ARL15: variants seen among roughly 807,000 people sequenced by gnomAD.
ARL15 encodes the protein ARF like GTPase 15.
Under a neutral mutation model 25.2 loss-of-function variants are expected in ARL15, and 19 were observed. The ratio of observed to expected loss-of-function variants is 0.75; its 90% CI spans 0.53 to 1.10. The LOEUF (loss-of-function observed/expected upper bound fraction) is 1.10, where lower values mean the gene tolerates loss of function less well. ARL15 is among the 50% of genes least tolerant of loss of function. The pLI, the probability that ARL15 is intolerant of heterozygous loss-of-function variation, is 0.00. For missense variants in ARL15, 220 were observed against 246.0 expected (o/e 0.89, Z 0.71); for synonymous variants, 94 against 86.8 (o/e 1.08, Z -0.46).
At chr5:54,144,423 G>A (rs997323435) in intron 3 of ARL15, among the ~76,000 whole-genome samples, 1 of 151,980 alleles carries the variant, frequency 6.6e-6, no homozygotes, top group Non-Finnish European at 1.5e-5. Flanking sequence ...ATTTATATGT[G>A]AGTTGTATTA....
In ARL15 at chr5:54,104,570, T is replaced by C. The variant is rs115828336; in HGVS notation, c.462+8632A>G. 6.5e-3 allele frequency among the ~76,000 whole-genome samples: 988 copies of C among 152,278 alleles called. 6 individuals are homozygous for C. The highest frequency in any genetic ancestry group is 0.023 in the African/African-American group (953 of 41,574). On this transcript the variant is annotated intron_variant, in intron 4 of 4. Coordinates refer to ENST00000504924, the MANE Select transcript of ARL15 (RefSeq NM_019087.3). ...ATATAATTAGTTATAGTTATTTTTA[T>C]AACTTCCCAAAGATATGATTTCTCA...
intron 4 of ARL15, among the ~76,000 whole-genome samples, chr5:54,080,528 C>T (rs181373136): frequency 2.9e-4 from 44 of 152,168 alleles, no homozygotes; most frequent in African/African-American, 1.0e-3. Context: ...AAAACCCCAT[C>T]GTCCCCAAGA....
chr5:53,915,866 C>T (rs1442413361), intron 4 of ARL15, among the ~76,000 whole-genome samples: 1 of 152,146 alleles, frequency 6.6e-6, no homozygotes, highest in Non-Finnish European at 1.5e-5. Context: ...TTTGATTTGT[C>T]AGGTGACTTT....
intron 3 of ARL15, among the ~76,000 whole-genome samples, chr5:54,120,925 C>T (rs998609665): frequency 1.3e-5 from 2 of 152,168 alleles, no homozygotes; most frequent in South Asian, 2.1e-4. Flanking sequence ...GCCAATTTCC[C>T]CAACCAGTAT....
At chr5:54,207,625 T>A (rs1340597713) in intron 1 of ARL15, among the ~76,000 whole-genome samples, 1 of 152,144 alleles carries the variant, frequency 6.6e-6, no homozygotes, top group African/African-American at 2.4e-5. Flanking sequence ...AATAACTACA[T>A]TTTGGAAACT....
At chr5:54,094,862 A>G (rs1752237211) in intron 4 of ARL15, among the ~76,000 whole-genome samples, 1 of 152,232 alleles carries the variant, frequency 6.6e-6, no homozygotes, top group African/African-American at 2.4e-5. Flanking sequence ...ACCTATATAT[A>G]CATCAATAAT....
chr5:54,223,361 T>G (rs1756432769), intron 1 of ARL15, among the ~76,000 whole-genome samples: 2 of 152,228 alleles, frequency 1.3e-5, no homozygotes, highest in Non-Finnish European at 1.5e-5. Context: ...AAATTCTTTA[T>G]TAAAGAATAT....
chr5:54,268,361 C>T (rs1347436479), intron 1 of ARL15, among the ~76,000 whole-genome samples: 1 of 152,178 alleles, frequency 6.6e-6, no homozygotes, highest in Non-Finnish European at 1.5e-5. Flanking sequence ...TCTAATTATA[C>T]ATTCGTCTAA....
rs192512230 is a variant in ARL15, at chr5:54,143,821, A to C, written c.253+10759T>G. On this transcript the variant is annotated intron_variant, in intron 3 of 4. Transcript: ENST00000504924. Reference sequence around the variant, plus strand: ...ACTCCGTTCCCTAAGATAATTTATTATATGAGCTGAATAGGTAAACTTTCA... The same window carrying C: ...ACTCCGTTCCCTAAGATAATTTATTCTATGAGCTGAATAGGTAAACTTTCA... 5.3e-5 allele frequency among the ~76,000 whole-genome samples: 8 copies of C among 152,194 alleles called. No homozygotes were observed. In the South Asian group the frequency reaches 1.5e-3, roughly 28 times the overall value.
At chr5:54,022,997 G>A (rs1274183663) in intron 4 of ARL15, among the ~76,000 whole-genome samples, 1 of 152,166 alleles carries the variant, frequency 6.6e-6, no homozygotes, top group Non-Finnish European at 1.5e-5. Context: ...ACTGAAAAAT[G>A]TAATAATGAA....
chr5:54,075,446 G>A (rs1044792376), intron 4 of ARL15: 3 of 153,962 alleles, frequency 1.9e-5, no homozygotes, highest in Non-Finnish European at 4.4e-5. Context: ...AAAAACAGAA[G>A]CTAGAACAAA....
At chr5:54,218,851 T>C (rs1471116161) in intron 1 of ARL15, among the ~76,000 whole-genome samples, 1 of 152,138 alleles carries the variant, frequency 6.6e-6, no homozygotes, top group Non-Finnish European at 1.5e-5. Context: ...CTTTAACCTA[T>C]GTGATGGAGC....
At chr5:54,299,584 C>CTTTTTTTTTTTTTTT (rs752417066) in intron 1 of ARL15, among the ~76,000 whole-genome samples, 2 of 79,554 alleles carry the variant, frequency 2.5e-5, no homozygotes, top group East Asian at 4.3e-4. Flanking sequence ...TAGCTATTAG[C>CTTTTTTTTTTTTTTT]TTTTTTTTTT....
At chr5:54,202,375 TA>T (rs1461647158) in intron 1 of ARL15, among the ~76,000 whole-genome samples, 2 of 152,170 alleles carry the variant, frequency 1.3e-5, no homozygotes, top group Non-Finnish European at 2.9e-5. Context: ...CAATTGTCCT[TA>T]AGCAGAAAGG....
intron 3 of ARL15, among the ~76,000 whole-genome samples, chr5:54,144,645 C>T (rs1211892210): frequency 6.6e-6 from 1 of 152,028 alleles, no homozygotes; most frequent in Non-Finnish European, 1.5e-5. Flanking sequence ...TAATTATATG[C>T]TCATCTTTTG....
At chr5:54,133,464 C>T (rs1297418392) in intron 3 of ARL15, among the ~76,000 whole-genome samples, 1 of 152,136 alleles carries the variant, frequency 6.6e-6, no homozygotes, top group Non-Finnish European at 1.5e-5. Context: ...CAAGTATTAT[C>T]CATGGCCAAA....
intron 4 of ARL15, among the ~76,000 whole-genome samples, chr5:54,060,037 C>G (rs1276570830): frequency 2.0e-5 from 3 of 149,062 alleles, no homozygotes; most frequent in African/African-American, 7.5e-5. Context: ...AAATCTCATC[C>G]TGAATTCCAG....
chr5:54,207,189 G>A (rs561734579), intron 1 of ARL15, among the ~76,000 whole-genome samples: 2 of 152,198 alleles, frequency 1.3e-5, no homozygotes, highest in African/African-American at 2.4e-5. Context: ...CACAAGATGT[G>A]GCACGATACT....
Position 54,124,907 on chromosome 5 carries a change from A to G in ARL15, c.254-11497T>C, listed in dbSNP as rs2112256196. Among the ~76,000 whole-genome samples, 2 of 152,116 alleles carry G rather than the reference A, an allele frequency of 1.3e-5. 1 individual carries two copies. Among genetic ancestry groups the G allele is most frequent in the African/African-American group, 4.8e-5 (2 of 41,488 alleles). On this transcript the variant is annotated intron_variant, in intron 3 of 4. Coordinates refer to ENST00000504924, the MANE Select transcript of ARL15 (RefSeq NM_019087.3). The stretch of plus-strand genomic sequence containing the variant: ...GACCTCCAATGATCCCCACTTCTTG[A>G]TATTGACCCCTGGTGTAATCTCCCC...
Sources: allele counts gnomAD v4.1 joint callset (sites outside exome capture counted in the v4.1 genomes callset), GRCh38; gene constraint gnomAD v4.1.1; transcripts MANE v1.5; gene names NCBI Gene and HGNC (gene_info 2026-07-23, HGNC 2026-07-21).